Variants in MACROD2 observed in about 807,000 individuals in gnomAD.
The protein encoded by MACROD2 is ADP-ribose glycohydrolase MACROD2.
In MACROD2, 36 loss-of-function variants were observed where a neutral mutation model predicts 70.4. The observed-to-expected ratio is 0.51, with a 90% CI of 0.39 to 0.68. The LOEUF (loss-of-function observed/expected upper bound fraction) is 0.68. MACROD2 is among the 30% of genes least tolerant of loss of function. The pLI is 0.00. For missense variants in MACROD2, 496 were observed against 538.4 expected (o/e 0.92, Z 0.78); for synonymous variants, 172 against 178.8 (o/e 0.96, Z 0.30).
intron 9 of MACROD2, among the ~76,000 whole-genome samples, chr20:15,876,091 T>TTTTATATATATATATA (rs1555789633): frequency 9.1e-5 from 3 of 33,110 alleles, no homozygotes; most frequent in African/African-American, 2.2e-4. Context: ...TACATGTCTT[T>TTTTATATATATATATA]TATATATATA....
At chr20:14,507,839 G>T (rs1406235741) in intron 4 of MACROD2, among the ~76,000 whole-genome samples, 1 of 152,096 alleles carries the variant, frequency 6.6e-6, no homozygotes, top group Admixed American at 6.5e-5. Flanking sequence ...GATTGAGTGC[G>T]CTGGCCTGTT....
chr20:15,699,284 A>G (rs950302804), intron 8 of MACROD2, among the ~76,000 whole-genome samples: 5 of 150,908 alleles, frequency 3.3e-5, no homozygotes, highest in African/African-American at 9.8e-5. Flanking sequence ...TTGATGTAGT[A>G]CTCTCCCTCT....
chr20:14,573,179 G>C (rs895304724), intron 4 of MACROD2, among the ~76,000 whole-genome samples: 3 of 152,034 alleles, frequency 2.0e-5, no homozygotes, highest in Non-Finnish European at 4.4e-5. Context: ...TTAAAACACT[G>C]TGAGGTCTTG....
chr20:14,363,648 G>A (rs983094835), intron 3 of MACROD2, among the ~76,000 whole-genome samples: 6 of 148,502 alleles, frequency 4.0e-5, no homozygotes, highest in Non-Finnish European at 6.0e-5. Flanking sequence ...GTGAAACCCT[G>A]TCTGTACTAA....
intron 3 of MACROD2, among the ~76,000 whole-genome samples, chr20:14,279,973 T>G (rs570142713): frequency 6.6e-6 from 1 of 152,282 alleles, no homozygotes; most frequent in East Asian, 1.9e-4. Context: ...TCCTACCCTA[T>G]GGGATAGTCT....
chr20:14,784,553 A>G (rs1344316058), intron 5 of MACROD2, among the ~76,000 whole-genome samples: 1 of 151,152 alleles, frequency 6.6e-6, no homozygotes, highest in Non-Finnish European at 1.5e-5. Context: ...CTGGCATGCA[A>G]TTACTGTGGT....
chr20:14,755,572 C>T (rs1036110945), intron 5 of MACROD2, among the ~76,000 whole-genome samples: 1 of 152,016 alleles, frequency 6.6e-6, no homozygotes, highest in Non-Finnish European at 1.5e-5. Context: ...GAAAAGATAA[C>T]TTAATTTTTG....
rs11474347 is a variant in MACROD2, at chr20:14,930,766, T to TAAAAAAAAA, written c.418+245823_418+245831dup. Among the ~76,000 whole-genome samples the TAAAAAAAAA allele has an allele frequency of 8.1e-4, 58 of 71,642 alleles. 1 individual carries two copies. The highest frequency in any genetic ancestry group is 3.0e-3 in the African/African-American group (56 of 18,940). The allele number at this position is 71,642 out of a possible 152,430, so 47.0% of individuals were successfully genotyped here. A position where few individuals can be genotyped will look rare whatever the true frequency, so the allele number is the denominator to read the frequency against. Reference sequence around the variant, plus strand: ...TGGGAAACATAGGGAGAGCGTGTCTTAAAAAAAAAAAAAAAAAAAAAAAAG... The same window carrying TAAAAAAAAA: ...TGGGAAACATAGGGAGAGCGTGTCTTAAAAAAAAAAAAAAAAAAAAAAAAAAAAAAAAAG... On this transcript the variant is annotated intron_variant, in intron 5 of 17. Coordinates refer to ENST00000684519, the MANE Select transcript of MACROD2 (RefSeq NM_001351661.2).
intron 6 of MACROD2, among the ~76,000 whole-genome samples, chr20:15,278,951 GC>G (rs1246950738): frequency 1.3e-5 from 2 of 152,144 alleles, no homozygotes; most frequent in East Asian, 3.8e-4. Context: ...TGCCTCGCGT[GC>G]CCTGCTTTCG....
At chr20:15,435,949 A>G (rs1355971823) in intron 7 of MACROD2, among the ~76,000 whole-genome samples, 1 of 152,170 alleles carries the variant, frequency 6.6e-6, no homozygotes. Flanking sequence ...ATACTTCTTC[A>G]GTCCTGGCTA....
intron 5 of MACROD2, among the ~76,000 whole-genome samples, chr20:14,715,587 G>A (rs1198612729): frequency 6.6e-6 from 1 of 152,158 alleles, no homozygotes; most frequent in Non-Finnish European, 1.5e-5. Context: ...CTGTTGGTAT[G>A]TAAAGCTGCC....
chr20:15,909,788 G>T (rs1270541583), intron 10 of MACROD2, among the ~76,000 whole-genome samples: 1 of 152,242 alleles, frequency 6.6e-6, no homozygotes, highest in Non-Finnish European at 1.5e-5. Flanking sequence ...CTCCCAAAGT[G>T]CTGGGATTAT....
At chr20:15,323,611 C>T (rs2077895561) in intron 6 of MACROD2, among the ~76,000 whole-genome samples, 1 of 152,182 alleles carries the variant, frequency 6.6e-6, no homozygotes, top group Non-Finnish European at 1.5e-5. Flanking sequence ...AAGCCATAAA[C>T]CTGTTAGTTG....
At chr20:15,792,591 C>T (rs1240888937) in intron 8 of MACROD2, among the ~76,000 whole-genome samples, 3 of 151,788 alleles carry the variant, frequency 2.0e-5, no homozygotes, top group Non-Finnish European at 2.9e-5. Flanking sequence ...TAAAGAAAGG[C>T]GAATAAACAA....
chr20:14,812,939 A>G (rs985723826), intron 5 of MACROD2, among the ~76,000 whole-genome samples: 6 of 152,116 alleles, frequency 3.9e-5, no homozygotes, highest in African/African-American at 1.4e-4. Context: ...TGTGCTGGCT[A>G]TGGATCTAGG....
At chr20:15,459,451 CT>C (rs1042350056) in intron 7 of MACROD2, among the ~76,000 whole-genome samples, 15 of 152,222 alleles carry the variant, frequency 9.9e-5, no homozygotes, top group African/African-American at 3.6e-4. Flanking sequence ...TAATGGCAGC[CT>C]TTTTCCCCCC....
intron 3 of MACROD2, among the ~76,000 whole-genome samples, chr20:14,460,089 T>C (rs554369924): frequency 5.9e-5 from 9 of 152,222 alleles, no homozygotes; most frequent in African/African-American, 1.9e-4. Context: ...TGTTCCATGG[T>C]GTATATGTGC....
At chr20:14,358,941 C>G (rs906818515) in intron 3 of MACROD2, among the ~76,000 whole-genome samples, 30 of 152,110 alleles carry the variant, frequency 2.0e-4, no homozygotes, top group South Asian at 4.1e-4. Flanking sequence ...AATCTCAGCA[C>G]TTTAAGAAGC....
At chr20:14,152,462 T>C (rs1235479454) in intron 3 of MACROD2, among the ~76,000 whole-genome samples, 1 of 150,746 alleles carries the variant, frequency 6.6e-6, no homozygotes, top group Non-Finnish European at 1.5e-5. Context: ...AGTCTCGCTC[T>C]GTTGCCCAGG....
Sources: gnomAD v4.1 joint callset for allele counts (sites outside exome capture counted in the v4.1 genomes callset) on GRCh38, gnomAD v4.1.1 for gene constraint, MANE v1.5 for transcripts, NCBI Gene and HGNC (gene_info 2026-07-23, HGNC 2026-07-21) for gene names.